Variants in INPP4B observed in about 807,000 individuals in gnomAD.
The protein encoded by INPP4B is inositol polyphosphate-4-phosphatase type II B.
In INPP4B, 55 loss-of-function variants were observed where a neutral mutation model predicts 122.5. The ratio of observed to expected loss-of-function variants is 0.45; its 90% CI spans 0.36 to 0.56. The LOEUF (loss-of-function observed/expected upper bound fraction) is 0.56, where lower values mean the gene tolerates loss of function less well. INPP4B is among the 20% of genes least tolerant of loss of function. The probability of loss-of-function intolerance (pLI) is 0.00; values close to 1 mark genes in which losing one functional copy is unlikely to be tolerated. For synonymous variants in INPP4B, 403 were observed against 388.7 expected, an observed-to-expected ratio of 1.04 and a Z score of -0.43; for missense variants, 1,000 against 1,097.7, an observed-to-expected ratio of 0.91 and a Z score of 1.26.
At chr4:142,397,837 CA>C (rs955247663) in intron 7 of INPP4B, among the ~76,000 whole-genome samples, 1 of 147,608 alleles carries the variant, frequency 6.8e-6, no homozygotes, top group Non-Finnish European at 1.5e-5. Context: ...GGCTCCGTCT[CA>C]AAAAAAATAA....
chr4:142,075,285 A>T (rs1391769560), intron 25 of INPP4B, among the ~76,000 whole-genome samples: 1 of 151,890 alleles, frequency 6.6e-6, no homozygotes, highest in Non-Finnish European at 1.5e-5. Flanking sequence ...GGCTCCTGAC[A>T]CATTAATTAC....
chr4:142,346,402 C>CA (rs370844801), intron 7 of INPP4B, among the ~76,000 whole-genome samples: 3 of 151,382 alleles, frequency 2.0e-5, no homozygotes, highest in African/African-American at 7.3e-5. Flanking sequence ...ATCAAAGAGG[C>CA]AAAATATTTT....
At chr4:142,678,516 G>C (rs1758137842) in intron 2 of INPP4B, among the ~76,000 whole-genome samples, 1 of 151,768 alleles carries the variant, frequency 6.6e-6, no homozygotes, top group Non-Finnish European at 1.5e-5. Context: ...ATTTAGATTT[G>C]GAACTAGGTA....
chr4:142,668,942 C>T (rs1378485315), intron 2 of INPP4B, among the ~76,000 whole-genome samples: 1 of 152,000 alleles, frequency 6.6e-6, no homozygotes, highest in South Asian at 2.1e-4. Context: ...GTAGTCCCAG[C>T]TACTCAGGAG....
intron 1 of INPP4B, among the ~76,000 whole-genome samples, chr4:142,731,330 C>T (rs1321869133): frequency 6.6e-6 from 1 of 152,260 alleles, no homozygotes; most frequent in East Asian, 1.9e-4. Flanking sequence ...AATCCTTTTG[C>T]ATTTCTCTGT....
At chr4:142,314,797 G>A (rs1206193394) in intron 7 of INPP4B, 35 bp from the exon 8 acceptor site, 1 of 1,554,720 alleles carries the variant, frequency 6.4e-7, no homozygotes, top group Non-Finnish European at 8.7e-7. Flanking sequence ...AGACTTTGGA[G>A]TAGAAACTAG....
intron 2 of INPP4B, among the ~76,000 whole-genome samples, chr4:142,568,393 T>C (rs915109753): frequency 1.3e-5 from 2 of 152,168 alleles, no homozygotes; most frequent in African/African-American, 4.8e-5. Flanking sequence ...CTTGCTGGCA[T>C]GGAACTCTTC....
chr4:142,636,587 A>G (rs1289306307), intron 2 of INPP4B, among the ~76,000 whole-genome samples: 1 of 152,086 alleles, frequency 6.6e-6, no homozygotes, highest in Non-Finnish European at 1.5e-5. Context: ...TTAGTTTATT[A>G]GTGGACTTAT....
At chr4:142,480,396 C>G (rs758730049) in intron 2 of INPP4B, among the ~76,000 whole-genome samples, 7 of 152,112 alleles carry the variant, frequency 4.6e-5, no homozygotes, top group Non-Finnish European at 8.8e-5. Context: ...CACCACACTG[C>G]AGACAGGTCA....
At chr4:142,419,428 C>A (rs1417675482) in intron 5 of INPP4B, among the ~76,000 whole-genome samples, 3 of 152,054 alleles carry the variant, frequency 2.0e-5, no homozygotes, top group African/African-American at 7.2e-5. Flanking sequence ...TGGGAATACC[C>A]GTATGCTCAA....
At chr4:142,173,001 G>T in intron 16 of INPP4B, among the ~76,000 whole-genome samples, 1 of 151,874 alleles carries the variant, frequency 6.6e-6, no homozygotes, top group East Asian at 1.9e-4. Context: ...CGTTAGTTCT[G>T]GAAGTTGATA....
intron 2 of INPP4B, among the ~76,000 whole-genome samples, chr4:142,511,024 G>A (rs1298002389): frequency 6.6e-6 from 1 of 152,090 alleles, no homozygotes; most frequent in East Asian, 1.9e-4. Flanking sequence ...GGAAATGAAG[G>A]ATGTTTCACC....
intron 2 of INPP4B, among the ~76,000 whole-genome samples, chr4:142,656,722 T>TC (rs1754217951): frequency 6.6e-6 from 1 of 152,196 alleles, no homozygotes; most frequent in Non-Finnish European, 1.5e-5. Context: ...AAGAGGCTCT[T>TC]CCCCAGGAAT....
intron 2 of INPP4B, among the ~76,000 whole-genome samples, chr4:142,566,658 T>C (rs758839280): frequency 2.6e-5 from 4 of 152,186 alleles, no homozygotes; most frequent in Non-Finnish European, 4.4e-5. Context: ...ACAGAGAATA[T>C]GTAACTTGTC....
At chr4:142,211,862 CA>C in intron 12 of INPP4B, among the ~76,000 whole-genome samples, 1 of 152,042 alleles carries the variant, frequency 6.6e-6, no homozygotes, top group East Asian at 1.9e-4. Flanking sequence ...TCACAGTTGC[CA>C]AAACTACTGT....
intron 2 of INPP4B, among the ~76,000 whole-genome samples, chr4:142,502,007 GAAGT>G (rs760156072): frequency 2.0e-5 from 3 of 152,168 alleles, no homozygotes; most frequent in East Asian, 1.9e-4. Context: ...CTAGCTCTGA[GAAGT>G]AAGTAAGTGA....
At chr4:142,169,700 T>C (rs1824593298) in intron 16 of INPP4B, among the ~76,000 whole-genome samples, 2 of 151,714 alleles carry the variant, frequency 1.3e-5, no homozygotes, top group Admixed American at 6.6e-5. Flanking sequence ...GCCTCTAACA[T>C]TTACAATAAA....
At chr4:142,619,483 A>G (rs1744415040) in intron 2 of INPP4B, among the ~76,000 whole-genome samples, 1 of 152,128 alleles carries the variant, frequency 6.6e-6, no homozygotes, top group Admixed American at 6.6e-5. Context: ...GAAATAAGCC[A>G]GTCACAGAAG....
intron 2 of INPP4B, among the ~76,000 whole-genome samples, chr4:142,693,539 G>C (rs150789378): frequency 0.012 from 1,305 of 108,524 alleles, 22 homozygotes; most frequent in African/African-American, 0.036. Context: ...AAAAAAGCCT[G>C]ACATCTTTAA....
Sources: gnomAD v4.1 joint callset for allele counts (sites outside exome capture counted in the v4.1 genomes callset) on GRCh38, gnomAD v4.1.1 for gene constraint, MANE v1.5 for transcripts, NCBI Gene and HGNC (gene_info 2026-07-23, HGNC 2026-07-21) for gene names.